CDK17: variants seen among roughly 807,000 people sequenced by gnomAD.
CDK17 encodes cyclin dependent kinase 17.
In CDK17, 24 loss-of-function variants were observed where a neutral mutation model predicts 77.6. That is an observed-to-expected ratio of 0.31 (90% CI 0.22 to 0.44). The LOEUF (loss-of-function observed/expected upper bound fraction) is 0.44, where lower values mean the gene tolerates loss of function less well. Among genes scored for constraint, CDK17 ranks in the 20% least tolerant of loss-of-function variants. CDK17 has a pLI of 1.00. For synonymous variants in CDK17, 203 were observed against 210.4 expected (o/e 0.96, Z 0.30); for missense variants, 429 against 622.5 (o/e 0.69, Z 3.31).
intron 1 of CDK17, among the ~76,000 whole-genome samples, chr12:96,354,099 C>A (rs1232215986): frequency 6.6e-6 from 1 of 152,110 alleles, no homozygotes; most frequent in Non-Finnish European, 1.5e-5. Context: ...TCAATTCTGA[C>A]AAGTGAAGAA....
chr12:96,380,764 T>C (rs1006660294), intron 1 of CDK17, among the ~76,000 whole-genome samples: 1 of 152,198 alleles, frequency 6.6e-6, no homozygotes, highest in African/African-American at 2.4e-5. Context: ...TTCAACAGCC[T>C]CCTTACTGGA....
intron 10 of CDK17, among the ~76,000 whole-genome samples, chr12:96,294,184 A>G (rs1394175557): frequency 6.6e-6 from 1 of 152,230 alleles, no homozygotes; most frequent in Admixed American, 6.5e-5. Context: ...ATCACATAAA[A>G]TATTAAAAAG....
intron 2 of CDK17, among the ~76,000 whole-genome samples, chr12:96,333,366 T>C (rs1592734342): frequency 6.6e-6 from 1 of 151,922 alleles, no homozygotes; most frequent in Non-Finnish European, 1.5e-5. Flanking sequence ...CTCCCCACCA[T>C]GACAAAAACA....
At position 96,281,405 on chromosome 12, in the gene CDK17, C is replaced by G. The variant is rs1277984939; in HGVS notation, c.1457-520G>C. ...TCTTTTTGAGACGGAGTCTCACTCT[C>G]TCACCCAGGCTAGAGTGCAGTGGCA... On this transcript the variant is annotated intron_variant, in intron 15 of 16. Transcript: ENST00000261211. Among the ~76,000 whole-genome samples, 10 of 152,342 alleles carry G rather than the reference C, an allele frequency of 6.6e-5. 1 individual carries two copies. Among genetic ancestry groups the G allele is most frequent in the Admixed American group, 6.5e-4 (10 of 15,310 alleles).
intron 1 of CDK17, among the ~76,000 whole-genome samples, chr12:96,389,903 C>T (rs760126921): frequency 2.0e-5 from 3 of 147,378 alleles, no homozygotes. Context: ...GATCTTGGCT[C>T]ACTGCAATTT....
chr12:96,293,197 A>T (rs993932676), intron 10 of CDK17, among the ~76,000 whole-genome samples: 1 of 152,138 alleles, frequency 6.6e-6, no homozygotes, highest in Admixed American at 6.5e-5. Flanking sequence ...CATTTTTGTA[A>T]ATCTCTTTTA....
chr12:96,347,900 C>T (rs75936517), intron 1 of CDK17, among the ~76,000 whole-genome samples: 9,439 of 151,978 alleles, frequency 0.062, 387 homozygotes, highest in Admixed American at 0.092. Flanking sequence ...GAAGGAAAAC[C>T]GGAAAATTTG....
At chr12:96,316,058 T>C (rs1048656416) in intron 3 of CDK17, among the ~76,000 whole-genome samples, 3 of 152,078 alleles carry the variant, frequency 2.0e-5, no homozygotes, top group African/African-American at 4.8e-5. Flanking sequence ...GTTCATCTCA[T>C]TAGGGAGTGC....
intron 1 of CDK17, among the ~76,000 whole-genome samples, chr12:96,368,762 C>T (rs1221119898): frequency 7.5e-6 from 1 of 134,192 alleles, no homozygotes; most frequent in African/African-American, 2.9e-5. Context: ...GAAGCATCAG[C>T]TGATTCCTTG....
chr12:96,318,495 C>T (rs981627025), intron 3 of CDK17, among the ~76,000 whole-genome samples: 10 of 138,946 alleles, frequency 7.2e-5, no homozygotes, highest in African/African-American at 1.9e-4. Flanking sequence ...ACAGAATATA[C>T]ATTTTTTTCA....
At chr12:96,358,950 G>A (rs1022248893) in intron 1 of CDK17, among the ~76,000 whole-genome samples, 1 of 145,426 alleles carries the variant, frequency 6.9e-6, no homozygotes, top group African/African-American at 2.5e-5. Context: ...CTCAACAGAT[G>A]ACTTTCCAAA....
chr12:96,300,263 A>G (rs769087061), intron 6 of CDK17, 41 bp downstream of exon 6: 1 of 1,354,316 alleles, frequency 7.4e-7, no homozygotes, highest in Admixed American at 1.9e-5. Context: ...AATGACGAAT[A>G]AGAAAAAAAT....
chr12:96,390,959 C>G (rs576801160), intron 1 of CDK17, among the ~76,000 whole-genome samples: 1 of 151,500 alleles, frequency 6.6e-6, no homozygotes, highest in Non-Finnish European at 1.5e-5. Flanking sequence ...TGGTGGCACA[C>G]GCCTATAATC....
intron 9 of CDK17, 97 bp downstream of exon 9, chr12:96,297,173 C>T (rs1432526280): frequency 8.7e-6 from 6 of 687,622 alleles, no homozygotes; most frequent in Non-Finnish European, 1.4e-5. Context: ...AAACAGAAAA[C>T]CCTGAAGAAG....
intron 1 of CDK17, among the ~76,000 whole-genome samples, chr12:96,375,155 A>C (rs556739383): frequency 4.6e-5 from 7 of 152,236 alleles, no homozygotes; most frequent in Non-Finnish European, 8.8e-5. Flanking sequence ...ATGTACACAA[A>C]AATGAGTTAA....
At chr12:96,389,350 T>C (rs1056510590) in intron 1 of CDK17, among the ~76,000 whole-genome samples, 8 of 152,166 alleles carry the variant, frequency 5.3e-5, no homozygotes, top group Admixed American at 5.2e-4. Context: ...GAAAAGAAAA[T>C]TGAAAACATA....
chr12:96,331,966 A>C (rs34443619), intron 2 of CDK17, among the ~76,000 whole-genome samples: 7,928 of 152,298 alleles, frequency 0.052, 271 homozygotes, highest in Non-Finnish European at 0.064. Flanking sequence ...GACATCATAT[A>C]CAACAGTGGT....
chr12:96,385,348 G>C (rs1953955167), intron 1 of CDK17, among the ~76,000 whole-genome samples: 1 of 151,952 alleles, frequency 6.6e-6, no homozygotes, highest in Non-Finnish European at 1.5e-5. Flanking sequence ...ACAGACACTG[G>C]AGATGACTAG....
chr12:96,363,974 A>G (rs557680324), intron 1 of CDK17, among the ~76,000 whole-genome samples: 1 of 152,376 alleles, frequency 6.6e-6, no homozygotes, highest in Non-Finnish European at 1.5e-5. Flanking sequence ...CCCTTACAGC[A>G]TAATCCTCTT....
Sources: gnomAD v4.1 joint callset for allele counts (sites outside exome capture counted in the v4.1 genomes callset) on GRCh38, gnomAD v4.1.1 for gene constraint, MANE v1.5 for transcripts, NCBI Gene and HGNC (gene_info 2026-07-23, HGNC 2026-07-21) for gene names.